WDR33: variants seen among roughly 807,000 people sequenced by gnomAD.
The protein encoded by WDR33 is pre-mRNA 3' end processing protein WDR33.
WDR33 carries 47 observed loss-of-function variants against 164.9 expected under a neutral mutation model. That is an observed-to-expected ratio of 0.29 (90% CI 0.23 to 0.36). WDR33 has a LOEUF of 0.36. Ranked by LOEUF, WDR33 falls within the 10% of genes least tolerant of loss-of-function variation. WDR33 has a pLI of 1.00. For missense variants in WDR33, 1,137 were observed against 1,754.1 expected (o/e 0.65, Z 6.28); for synonymous variants, 505 against 589.0 (o/e 0.86, Z 2.06).
rs544013790 is a variant in WDR33 at position 127,749,800 on chromosome 2, C to T, written c.724+13262G>A. ...CTCGTCAGCAAGAACTGAAACTCTC[C>T]ATCATACTGAGTCTTTCAAATACCT... On this transcript the variant is annotated intron_variant, in intron 7 of 21. Transcript: ENST00000322313. 2.0e-4 allele frequency among the ~76,000 whole-genome samples: 30 copies of T among 152,058 alleles called. No homozygotes were observed. The South Asian group carries it at 6.2e-3, about 32-fold the overall frequency.
intron 7 of WDR33, among the ~76,000 whole-genome samples, chr2:127,753,503 C>T (rs1687431224): frequency 6.6e-6 from 1 of 152,184 alleles, no homozygotes; most frequent in South Asian, 2.1e-4. Flanking sequence ...TCAATGAGTT[C>T]AACACCTCAC....
rs1220888579 is a variant in WDR33 at position 127,711,770 on chromosome 2, A to ATTTTTTTTTTTTTTTT, written c.3308+1812_3308+1813insAAAAAAAAAAAAAAAA. ...TATACAGATATATATATATATATAT[A>ATTTTTTTTTTTTTTTT]TATATATATATTTTTTTTTTGAGAC... On this transcript the variant is annotated intron_variant, in intron 18 of 21. Coordinates refer to ENST00000322313, the MANE Select transcript of WDR33 (RefSeq NM_018383.5). 2.3e-4 allele frequency among the ~76,000 whole-genome samples: 18 copies of ATTTTTTTTTTTTTTTT among 77,878 alleles called. 3 individuals carry two copies. The highest frequency in any genetic ancestry group is 3.2e-4 in the Non-Finnish European group (14 of 44,380). 51.1% of individuals were successfully genotyped at this position (77,878 alleles called of 152,430 possible).
intron 1 of WDR33, chr2:127,810,681 C>T (rs972685868): frequency 6.6e-6 from 1 of 152,318 alleles, no homozygotes; most frequent in Non-Finnish European, 1.5e-5. Flanking sequence ...TCTTTCCACT[C>T]CCGCCCCAAA....
intron 7 of WDR33, among the ~76,000 whole-genome samples, chr2:127,749,291 G>A (rs1453224457): frequency 1.3e-5 from 2 of 152,166 alleles, no homozygotes; most frequent in Non-Finnish European, 2.9e-5. Context: ...TTGTGATCGT[G>A]CCACTGCACT....
intron 7 of WDR33, among the ~76,000 whole-genome samples, chr2:127,753,052 G>A (rs186732599): frequency 2.0e-5 from 3 of 152,172 alleles, no homozygotes; most frequent in Admixed American, 1.3e-4. Flanking sequence ...TCAGCCTCCC[G>A]AGAAGCTGGG....
rs1686823615 is a variant in WDR33, at chr2:127,735,792, C to T, written c.725-9015G>A. The T allele has an allele frequency of 2.0e-6, 2 of 985,352 alleles. No homozygotes were observed. The highest frequency in any genetic ancestry group is 4.7e-5 in the South Asian group (1 of 21,278). 61.0% of individuals were successfully genotyped at this position (985,352 alleles called of 1,614,324 possible). On this transcript the variant is annotated intron_variant, in intron 7 of 21. Coordinates refer to ENST00000322313, the MANE Select transcript of WDR33 (RefSeq NM_018383.5). The surrounding 1 kb of genome is among the most constrained non-coding windows in gnomAD (Gnocchi z 4.3). ...ATCTGTGCTCTGGTCAAGGAATATG[C>T]AATTTATTAGTATTTTACCTTCCTT...
At position 127,710,568 on chromosome 2, in the gene WDR33, C is replaced by A. The variant is rs1039612525; in HGVS notation, c.3309-712G>T. Reference sequence around the variant, plus strand: ...CACTGGCTAGCTGGCAGTCTGGAGCCCTGCTTAGTGAACAGCTTCCCCTTC... The same window carrying A: ...CACTGGCTAGCTGGCAGTCTGGAGCACTGCTTAGTGAACAGCTTCCCCTTC... On this transcript the variant is annotated intron_variant, in intron 18 of 21. Coordinates refer to ENST00000322313, the MANE Select transcript of WDR33 (RefSeq NM_018383.5). The surrounding 1 kb of genome is among the most constrained non-coding windows in gnomAD (Gnocchi z 4.4). Among the ~76,000 whole-genome samples, 4 of 152,198 alleles carry A rather than the reference C, an allele frequency of 2.6e-5. No homozygotes were observed. The highest frequency in any genetic ancestry group is 9.7e-5 in the African/African-American group (4 of 41,450).
In WDR33 at chr2:127,706,623, CTT is replaced by C. The variant is rs1686022262; in HGVS notation, c.3782-73_3782-72del. The C allele has an allele frequency of 7.2e-7, 1 of 1,391,994 alleles. No individual in the cohort carries two copies. Among genetic ancestry groups the C allele is most frequent in the African/African-American group, 1.4e-5 (1 of 69,818 alleles). 86.2% of individuals were successfully genotyped at this position (1,391,994 alleles called of 1,614,324 possible). A position where few individuals can be genotyped will look rare whatever the true frequency, so the allele number is the denominator to read the frequency against. ...GTTTGTCAGTAACTCCCAGTACAAA[CTT>C]TACTCTCTGATGACAATGGACCAGT... On this transcript the variant is annotated intron_variant, in intron 21 of 21. Transcript: ENST00000322313. This position sits in a 1 kb window ranked among gnomAD's most constrained non-coding sequence, Gnocchi z 5.1.
At chr2:127,711,778 A>ATTTTTTTTTTTTTT (rs1375261650) in intron 18 of WDR33, among the ~76,000 whole-genome samples, 125 of 93,002 alleles carry the variant, frequency 1.3e-3, no homozygotes, top group Middle Eastern at 6.2e-3. Flanking sequence ...ATATATATAT[A>ATTTTTTTTTTTTTT]TATTTTTTTT....
At chr2:127,711,555 T>C (rs1440365408) in intron 18 of WDR33, among the ~76,000 whole-genome samples, 1 of 150,946 alleles carries the variant, frequency 6.6e-6, no homozygotes, top group African/African-American at 2.4e-5. Context: ...AAGGTAATGC[T>C]TGGATATCAT....
chr2:127,788,504 G>T (rs1175660938), intron 1 of WDR33, among the ~76,000 whole-genome samples: 1 of 97,248 alleles, frequency 1.0e-5, no homozygotes, highest in Non-Finnish European at 2.2e-5. Context: ...CGGACGGGGC[G>T]GCTGGCCGGG....
chr2:127,723,134 T>G lies in WDR33; in HGVS notation c.1292-90A>C. ...GCTTTATAAAAATGAATGTCACTGA[T>G]GATTTATAAATAAATCTACTATAAA... On this transcript the variant is annotated intron_variant, in intron 12 of 21. Transcript: ENST00000322313. The surrounding 1 kb of genome is among the most constrained non-coding windows in gnomAD (Gnocchi z 5.9). 1 of 1,417,348 alleles carries G rather than the reference T, an allele frequency of 7.1e-7. No homozygotes were observed. The highest frequency in any genetic ancestry group is 1.3e-5 in the South Asian group (1 of 76,840). 87.8% of individuals were successfully genotyped at this position (1,417,348 alleles called of 1,614,324 possible).
rs1285622067 is a variant in WDR33 at position 127,701,703 on chromosome 2, G to T, written c.*4620C>A. 6.0e-6 allele frequency: 8 copies of T among 1,324,572 alleles called. No individual in the cohort carries two copies. Among genetic ancestry groups the T allele is most frequent in the East Asian group, 6.4e-5 (2 of 31,068 alleles). The allele number at this position is 1,324,572 out of a possible 1,614,324, so 82.1% of individuals were successfully genotyped here. ...CTGGACGTGGGCGCGGAGCCCTGCGGAGTCGGCAGCGGCCGGCCTGACGTG... is the reference window on the plus strand; with the variant it reads ...CTGGACGTGGGCGCGGAGCCCTGCGTAGTCGGCAGCGGCCGGCCTGACGTG... On this transcript the variant is annotated 3_prime_UTR_variant, in exon 22 of 22. Coordinates refer to ENST00000322313, the MANE Select transcript of WDR33 (RefSeq NM_018383.5).
At chr2:127,747,285 TACAA>T (rs1174968529) in intron 7 of WDR33, among the ~76,000 whole-genome samples, 4 of 152,240 alleles carry the variant, frequency 2.6e-5, no homozygotes, top group East Asian at 3.8e-4. Flanking sequence ...ATAAATAAAA[TACAA>T]ACAACAGTTT....
intron 1 of WDR33, among the ~76,000 whole-genome samples, chr2:127,806,214 T>C (rs1032514403): frequency 5.4e-5 from 8 of 147,940 alleles, no homozygotes; most frequent in Non-Finnish European, 1.2e-4. Flanking sequence ...CTTTTTCTTT[T>C]TTTTTTTTTT....
rs767155498 is a variant in WDR33 at position 127,763,239 on chromosome 2, A to G, written c.627-80T>C. The G allele has an allele frequency of 4.0e-5, 65 of 1,606,094 alleles. No individual in the cohort carries two copies. The highest frequency in any genetic ancestry group is 8.0e-5 in the African/African-American group (6 of 74,660). ...TGTGCTTCTCAGACAGGGAAAAATA[A>G]AAACACTGTGCTGCATTATAAACAG... On this transcript the variant is annotated intron_variant, in intron 6 of 21. Transcript: ENST00000322313. This position sits in a 1 kb window ranked among gnomAD's most constrained non-coding sequence, Gnocchi z 4.5.
In WDR33 at chr2:127,701,477, G is replaced by A. The variant is rs376836552; in HGVS notation, c.*4846C>T. 1.3e-3 allele frequency: 1,571 copies of A among 1,248,294 alleles called. 5 individuals carry two copies. Among genetic ancestry groups the A allele is most frequent in the Non-Finnish European group, 1.4e-3 (1,401 of 992,940 alleles). 77.3% of individuals were successfully genotyped at this position (1,248,294 alleles called of 1,614,324 possible). A position where few individuals can be genotyped will look rare whatever the true frequency, so the allele number is the denominator to read the frequency against. ...GCCCGAAGACCGAACCGCTTCAGCG[G>A]AGGGCCGGAAGTGAGCCGCAGCTTT... is the stretch of plus-strand genomic sequence containing the variant. On this transcript the variant is annotated 3_prime_UTR_variant, in exon 22 of 22. Coordinates refer to ENST00000322313, the MANE Select transcript of WDR33 (RefSeq NM_018383.5).
chr2:127,735,358 C>A lies in WDR33; in HGVS notation c.725-8581G>T. On this transcript the variant is annotated intron_variant, in intron 7 of 21. Coordinates refer to ENST00000322313, the MANE Select transcript of WDR33 (RefSeq NM_018383.5). This position sits in a 1 kb window ranked among gnomAD's most constrained non-coding sequence, Gnocchi z 4.3. ...CCTGTCTTGAGACAGTCCATAGGAT[C>A]CCAAAGCTCGGTGAACAGTCTGAAA... is the stretch of plus-strand genomic sequence containing the variant. The A allele has an allele frequency of 4.1e-6, 4 of 985,210 alleles. No homozygotes were observed. The highest frequency in any genetic ancestry group is 3.6e-6 in the Non-Finnish European group (3 of 829,490). 61.0% of individuals were successfully genotyped at this position (985,210 alleles called of 1,614,324 possible).
Position 127,724,082 on chromosome 2 carries a change from T to C in WDR33, c.1196+251A>G, listed in dbSNP as rs1373945237. On this transcript the variant is annotated intron_variant, in intron 11 of 21. Coordinates refer to ENST00000322313, the MANE Select transcript of WDR33 (RefSeq NM_018383.5). The surrounding 1 kb of genome is among the most constrained non-coding windows in gnomAD (Gnocchi z 4.8). ...AGAGACCCTGTCTCAAATAAATAAA[T>C]AAATAAATAAATAAAAGTGGAAAAC... is the stretch of plus-strand genomic sequence containing the variant. 6.6e-6 allele frequency among the ~76,000 whole-genome samples: 1 copy of C among 151,736 alleles called. No individual in the cohort carries two copies. Among genetic ancestry groups the C allele is most frequent in the Non-Finnish European group, 1.5e-5 (1 of 67,932 alleles).
Sources: gnomAD v4.1 joint callset for allele counts (sites outside exome capture counted in the v4.1 genomes callset) on GRCh38, gnomAD v4.1.1 for gene constraint, Gnocchi (gnomAD v3.1) non-coding constraint, MANE v1.5 for transcripts, NCBI Gene and HGNC (gene_info 2026-07-23, HGNC 2026-07-21) for gene names.